Variants in AP5S1 observed in about 807,000 individuals in gnomAD.
AP5S1 encodes the protein adaptor related protein complex 5 subunit sigma 1.
AP5S1 carries 13 observed loss-of-function variants against 13.9 expected under a neutral mutation model. That is an observed-to-expected ratio of 0.94 (90% CI 0.61 to 1.49). AP5S1 has a LOEUF of 1.49. Ranked by LOEUF, AP5S1 falls within the 40% of genes most tolerant of loss-of-function variation. The pLI is 0.00. For synonymous variants in AP5S1, 132 were observed against 121.8 expected, an observed-to-expected ratio of 1.08 and a Z score of -0.55; for missense variants, 292 against 272.3, an observed-to-expected ratio of 1.07 and a Z score of -0.51.
chr20:3,823,736 T>C (rs1002863560), intron 2 of AP5S1, 135 bp from the exon 3 acceptor site: 6 of 1,484,660 alleles, frequency 4.0e-6, no homozygotes, highest in Non-Finnish European at 4.4e-6. Flanking sequence ...CCTGGGCAGA[T>C]CACTTAGTCT....
At position 3,820,637 on chromosome 20, in the gene AP5S1, G is replaced by A. The variant is rs984110461; in HGVS notation, c.-138G>A. 1 of 152,316 alleles carries A rather than the reference G, an allele frequency of 6.6e-6. No individual in the cohort carries two copies. Among genetic ancestry groups the A allele is most frequent in the African/African-American group, 2.4e-5 (1 of 41,474 alleles). 9.4% of individuals were successfully genotyped at this position (152,316 alleles called of 1,614,324 possible). On this transcript the variant is annotated 5_prime_UTR_variant, in exon 1 of 3. Coordinates refer to ENST00000615891, the MANE Select transcript of AP5S1 (RefSeq NM_018347.3). ...AGGCTGAGGCGACGCCTCGACGACA[G>A]CGGACCGGAGCTGCAGGGGCAACAC...
At chr20:3,821,499 G>A (rs1225569748) in intron 1 of AP5S1, among the ~76,000 whole-genome samples, 11 of 152,050 alleles carry the variant, frequency 7.2e-5, no homozygotes, top group Admixed American at 7.2e-4. Flanking sequence ...AGCCTCTCAA[G>A]TAGCTGGGGT....
chr20:3,824,207 C>T lies in AP5S1; in HGVS notation c.513C>T (p.Thr171=), dbSNP rs2089608051. Residue 171 remains threonine (T), a synonymous_variant, in exon 3 of 3, where the codon ACC becomes ACT. Transcript: ENST00000615891. ...CTGACCGCATTGAGGGCATCCTCAC[C>T]CGCTTCCTGCCACATGGTCAGCTGC... is the stretch of plus-strand genomic sequence containing the variant. ...LRADRIEGIL[T]RFLPHGQLLF... 1 of 1,614,200 alleles carries T rather than the reference C, an allele frequency of 6.2e-7. No homozygotes were observed. Among genetic ancestry groups the T allele is most frequent in the Non-Finnish European group, 8.5e-7 (1 of 1,180,038 alleles).
chr20:3,822,001 C>T (rs1193445181), intron 1 of AP5S1, 101 bp from the exon 2 acceptor site: 33 of 1,454,854 alleles, frequency 2.3e-5, no homozygotes, highest in Non-Finnish European at 2.8e-5. Flanking sequence ...TCACTGGCCT[C>T]TGGATACACT....
rs146073355 is a variant in AP5S1 at position 3,822,127 on chromosome 20, G to A, written c.10G>A (p.Ala4Thr). Residue 4 changes from alanine to threonine, a missense_variant, in exon 2 of 3, where the codon GCC becomes ACC. By Grantham distance (58) the Ala-to-Thr change is moderately conservative. Coordinates refer to ENST00000615891, the MANE Select transcript of AP5S1 (RefSeq NM_018347.3). MVH[A>T]FLIHTLRAPN... The stretch of plus-strand genomic sequence containing the variant: ...CACCCACCCTGGAGCCATGGTCCAC[G>A]CCTTCCTCATTCACACCTTGAGGGC... 58 of 1,613,552 alleles carry A rather than the reference G, an allele frequency of 3.6e-5. No homozygotes were observed. Among genetic ancestry groups the A allele is most frequent in the Non-Finnish European group, 4.5e-5 (53 of 1,179,908 alleles).
In AP5S1 at chr20:3,822,194, C is replaced by T; in HGVS notation, c.77C>T (p.Ser26Phe). 1.2e-6 allele frequency: 2 copies of T among 1,614,182 alleles called. No individual in the cohort carries two copies. Among genetic ancestry groups the T allele is most frequent in the Non-Finnish European group, 1.7e-6 (2 of 1,180,034 alleles). The change falls in exon 2 of 3, where the codon TCC becomes TTC. Residue 26 changes from serine to phenylalanine, a missense_variant. Ser to Phe is a radical substitution (Grantham distance 155, BLOSUM62 -2). Coordinates refer to ENST00000615891, the MANE Select transcript of AP5S1 (RefSeq NM_018347.3). The stretch of plus-strand genomic sequence containing the variant: ...ACGGGCCTTTGCCGAGTGCTGTACT[C>T]CTGCGTCTTCGGTGCTGAGAAGTCA... ...EDTGLCRVLY[S>F]CVFGAEKSPD...
chr20:3,822,018 C>T (rs1215301303), intron 1 of AP5S1, 84 bp from the exon 2 acceptor site: 1 of 1,497,788 alleles, frequency 6.7e-7, no homozygotes, highest in East Asian at 2.4e-5. Flanking sequence ...CACTCCCAGA[C>T]ACTGCCAGGT....
Position 3,826,915 on chromosome 20 carries a change from T to C in AP5S1, c.*2618T>C, listed in dbSNP as rs1245037123. ...ACTGCAGATGACTGCAAAGCAGCAA[T>C]GGTTTGAGCATCCCTGAATTGCTGC... On this transcript the variant is annotated 3_prime_UTR_variant, in exon 3 of 3. Transcript: ENST00000615891. 1.3e-5 allele frequency: 2 copies of C among 152,250 alleles called. No homozygotes were observed. The highest frequency in any genetic ancestry group is 2.9e-5 in the Non-Finnish European group (2 of 68,092). The allele number at this position is 152,250 out of a possible 1,614,324, so 9.4% of individuals were successfully genotyped here.
At chr20:3,821,349 C>T (rs1370289202) in intron 1 of AP5S1, among the ~76,000 whole-genome samples, 2 of 152,184 alleles carry the variant, frequency 1.3e-5, no homozygotes, top group Middle Eastern at 3.4e-3. Flanking sequence ...TAATAATGCC[C>T]TTTATGGAAA....
In AP5S1 at chr20:3,824,352, A is replaced by T; in HGVS notation, c.*55A>T. On this transcript the variant is annotated 3_prime_UTR_variant, in exon 3 of 3. Transcript: ENST00000615891. ...AGGCAGAGGGTAGACACACAGCCAG[A>T]TGAAGCTTGGCATCTCCCTCCTACC... is the stretch of plus-strand genomic sequence containing the variant. The T allele has an allele frequency of 6.5e-7, 1 of 1,534,760 alleles. No homozygotes were observed. The highest frequency in any genetic ancestry group is 1.2e-5 in the South Asian group (1 of 82,260).
Position 3,823,858 on chromosome 20 carries a change from C to G in AP5S1, c.177-13C>G. 1 of 1,590,508 alleles carries G rather than the reference C, an allele frequency of 6.3e-7. No homozygotes were observed. The highest frequency in any genetic ancestry group is 8.5e-7 in the Non-Finnish European group (1 of 1,172,096). ...GTGTGAGCCCACCAGCCTGACCTGC[C>G]CACTCTCCCCAGGCAGGTAGAGTCA... On this transcript the variant is annotated splice_polypyrimidine_tract_variant and intron_variant, in intron 2 of 2. Coordinates refer to ENST00000615891, the MANE Select transcript of AP5S1 (RefSeq NM_018347.3).
intron 2 of AP5S1, 142 bp from the exon 3 acceptor site, chr20:3,823,729 G>A: frequency 6.8e-7 from 1 of 1,477,396 alleles, no homozygotes; most frequent in Non-Finnish European, 8.9e-7. Flanking sequence ...CTGTGGCCCT[G>A]GGCAGATCAC....
At position 3,824,591 on chromosome 20, in the gene AP5S1, A is replaced by AGT. The variant is rs1275161700; in HGVS notation, c.*296_*297dup. 6 of 429,282 alleles carry AGT rather than the reference A, an allele frequency of 1.4e-5. No individual in the cohort carries two copies. The Middle Eastern group carries it at 1.9e-3, about 137-fold the overall frequency. 26.6% of individuals were successfully genotyped at this position (429,282 alleles called of 1,614,324 possible). ...CCTTCCTCCATCCCTGCCAGCCGAT[A>AGT]GTGCTAGGGTGAGGAGCTGCCTGGA... On this transcript the variant is annotated 3_prime_UTR_variant, in exon 3 of 3. Coordinates refer to ENST00000615891, the MANE Select transcript of AP5S1 (RefSeq NM_018347.3).
rs1205460510 is a variant in AP5S1, at chr20:3,823,955, A to C, written c.261A>C (p.Gln87His). 5 of 1,609,226 alleles carry C rather than the reference A, an allele frequency of 3.1e-6. No homozygotes were observed. Among genetic ancestry groups the C allele is most frequent in the Non-Finnish European group, 4.2e-6 (5 of 1,180,004 alleles). Reference protein sequence around the residue: ...MDLQPQSSDEQVPLHEAPRGA... With the variant: ...MDLQPQSSDEHVPLHEAPRGA... ...TGCAGCCGCAATCCTCAGATGAGCA[A>C]GTGCCGCTGCACGAGGCCCCACGTG... The change falls in exon 3 of 3, where the codon CAA becomes CAC. Residue 87 changes from glutamine to histidine, a missense_variant. By Grantham distance (24) the Gln-to-His change is conservative. Transcript: ENST00000615891.
At chr20:3,823,626 C>T (rs2089600577) in intron 2 of AP5S1, 1 of 985,260 alleles carries the variant, frequency 1.0e-6, no homozygotes, top group Non-Finnish European at 1.2e-6. Context: ...CCTCTGGTGC[C>T]CTTTTTCAGC....
chr20:3,823,640 A>G (rs2089600736), intron 2 of AP5S1: 3 of 985,278 alleles, frequency 3.0e-6, no homozygotes, highest in Non-Finnish European at 2.4e-6. Context: ...TTTCAGCCCA[A>G]GGAGCTGGGT....
At position 3,824,254 on chromosome 20, in the gene AP5S1, T is replaced by C; in HGVS notation, c.560T>C (p.Val187Ala). ...GQLLFLNDQF[V>A]QGLEKEFSAA... ...CTGCTTTTCCTCAACGACCAGTTTG[T>C]CCAAGGCCTGGAGAAGGAATTCAGT... Residue 187 changes from valine (V) to alanine (A), a missense_variant, in exon 3 of 3, where the codon GTC becomes GCC. Physicochemically the swap from Val to Ala is moderately conservative, Grantham distance 64. Transcript: ENST00000615891. 1.9e-6 allele frequency: 3 copies of C among 1,614,142 alleles called. No individual in the cohort carries two copies. Among genetic ancestry groups the C allele is most frequent in the Non-Finnish European group, 2.5e-6 (3 of 1,180,010 alleles).
intron 1 of AP5S1, chr20:3,821,871 CTT>C (rs2089584468): frequency 1.1e-6 from 1 of 917,632 alleles, no homozygotes; most frequent in African/African-American, 2.0e-5. Flanking sequence ...GTTTGTTTTT[CTT>C]TTTTCTTTTT....
chr20:3,828,460 C>G lies in AP5S1; in HGVS notation c.*4163C>G, dbSNP rs2089636644. ...GTTTGGATGTATTTTCAGTGACATG[C>G]ATCTACCATTATAGTATCATACAGA... On this transcript the variant is annotated 3_prime_UTR_variant, in exon 3 of 3. Coordinates refer to ENST00000615891, the MANE Select transcript of AP5S1 (RefSeq NM_018347.3). 1 of 152,216 alleles carries G rather than the reference C, an allele frequency of 6.6e-6. No individual in the cohort carries two copies. The highest frequency in any genetic ancestry group is 2.4e-5 in the African/African-American group (1 of 41,454). The allele number at this position is 152,216 out of a possible 1,614,324, so 9.4% of individuals were successfully genotyped here.
Sources: allele counts gnomAD v4.1 joint callset (sites outside exome capture counted in the v4.1 genomes callset), GRCh38; gene constraint gnomAD v4.1.1; transcripts MANE v1.5; gene names NCBI Gene and HGNC (gene_info 2026-07-23, HGNC 2026-07-21).